Variants in CHD9 observed in about 807,000 individuals in gnomAD.
CHD9 encodes the protein ATP-dependent chromatin remodeler CHD9.
A neutral mutation model predicts 316.1 loss-of-function variants in CHD9; 77 were observed. The observed-to-expected ratio is 0.24, with a 90% CI of 0.20 to 0.29. The LOEUF (loss-of-function observed/expected upper bound fraction) is 0.29, where lower values mean the gene tolerates loss of function less well. CHD9 is among the 10% of genes least tolerant of loss of function. The pLI, the probability that CHD9 is intolerant of heterozygous loss-of-function variation, is 1.00. For synonymous variants in CHD9, 1,129 were observed against 1,158.3 expected, an observed-to-expected ratio of 0.97 and a Z score of 0.51; for missense variants, 2,763 against 3,438.1, an observed-to-expected ratio of 0.80 and a Z score of 4.91.
chr16:53,118,112 C>A (rs2038457037), intron 1 of CHD9, among the ~76,000 whole-genome samples: 1 of 152,148 alleles, frequency 6.6e-6, no homozygotes, highest in Non-Finnish European at 1.5e-5. Flanking sequence ...CAGGCATGAG[C>A]CACCACATGC....
At chr16:53,280,158 A>G (rs1024402028) in intron 24 of CHD9, among the ~76,000 whole-genome samples, 5 of 152,244 alleles carry the variant, frequency 3.3e-5, no homozygotes, top group East Asian at 1.9e-4. Flanking sequence ...TGATCCAGCT[A>G]TCCCACTACT....
chr16:53,254,563 T>A lies in CHD9; in HGVS notation c.3987T>A (p.Ala1329=). 6.2e-7 allele frequency: 1 copy of A among 1,612,698 alleles called. No homozygotes were observed. ...GTTTGAAACTGGGCCTAGATAAAGCTGTGTTACAGAGCATGAGTGGAAGAG... is the reference window on the plus strand; with the variant it reads ...GTTTGAAACTGGGCCTAGATAAAGCAGTGTTACAGAGCATGAGTGGAAGAG... ...RASLKLGLDK[A]VLQSMSGRES... is the part of the protein sequence containing the mutation. The change falls in exon 18 of 39, where the codon GCT becomes GCA. Residue 1329 remains alanine, a synonymous_variant. Transcript: ENST00000447540.
At chr16:53,197,255 T>G (rs2045006235) in intron 2 of CHD9, among the ~76,000 whole-genome samples, 1 of 152,204 alleles carries the variant, frequency 6.6e-6, no homozygotes, top group South Asian at 2.1e-4. Flanking sequence ...TTAAATGAGA[T>G]AACATTTAAC....
At chr16:53,123,449 A>T (rs1035676789) in intron 1 of CHD9, among the ~76,000 whole-genome samples, 2 of 152,020 alleles carry the variant, frequency 1.3e-5, no homozygotes, top group Non-Finnish European at 2.9e-5. Context: ...ATAATCAAAC[A>T]GTCAAGCCTT....
chr16:53,130,778 T>A (rs552675810), intron 1 of CHD9: 1 of 151,672 alleles, frequency 6.6e-6, no homozygotes, highest in East Asian at 2.0e-4. Flanking sequence ...AAGGGGACGC[T>A]CCCTCTTAGG....
intron 2 of CHD9, among the ~76,000 whole-genome samples, chr16:53,181,479 G>A (rs2043515521): frequency 3.9e-5 from 6 of 152,060 alleles, no homozygotes; most frequent in Admixed American, 3.3e-4. Flanking sequence ...AAAAATTAGA[G>A]TGCTTATATG....
chr16:53,056,599 C>T (rs1469413095), intron 1 of CHD9, among the ~76,000 whole-genome samples: 1 of 152,244 alleles, frequency 6.6e-6, no homozygotes, highest in Non-Finnish European at 1.5e-5. Flanking sequence ...AAGAACAATA[C>T]TCTGCTGTTT....
chr16:53,124,421 T>C lies in CHD9; in HGVS notation c.-164-31505T>C, dbSNP rs531025770. On this transcript the variant is annotated intron_variant, in intron 1 of 38. Transcript: ENST00000447540. ...TGGCAGGCGAGAGAGAGAGCATGTGTTGGGGAAACTCCCCTTTATAAAACC... is the reference window on the plus strand; with the variant it reads ...TGGCAGGCGAGAGAGAGAGCATGTGCTGGGGAAACTCCCCTTTATAAAACC... 2.2e-4 allele frequency among the ~76,000 whole-genome samples: 34 copies of C among 151,670 alleles called. 1 individual carries two copies. In the South Asian group the frequency reaches 2.9e-3, roughly 13 times the overall value.
At chr16:53,263,919 G>C (rs1049680826) in intron 20 of CHD9, among the ~76,000 whole-genome samples, 1 of 151,914 alleles carries the variant, frequency 6.6e-6, no homozygotes, top group Non-Finnish European at 1.5e-5. Context: ...ATAAAAGTTC[G>C]TAAGTGAGTT....
At chr16:53,102,938 C>G (rs961901240) in intron 1 of CHD9, among the ~76,000 whole-genome samples, 1 of 151,866 alleles carries the variant, frequency 6.6e-6, no homozygotes, top group Non-Finnish European at 1.5e-5. Context: ...CTCCGCCTCC[C>G]GGGTTCACGC....
rs763732712 is a variant in CHD9, at chr16:53,304,319, G to C, written c.6313G>C (p.Val2105Leu). ...AAAATGTGAAACAGACAGACGCATG[G>C]TTGCAGCCAGAACAGAACCCCTAAC... The part of the protein sequence containing the change: ...GGKCETDRRM[V>L]AARTEPLTPN... The change falls in exon 31 of 39, where the codon GTT becomes CTT. Residue 2105 changes from valine (V) to leucine (L), a missense_variant. Coordinates refer to ENST00000447540, the MANE Select transcript of CHD9 (RefSeq NM_001308319.2). 2 of 1,612,380 alleles carry C rather than the reference G, an allele frequency of 1.2e-6. No homozygotes were observed. The highest frequency in any genetic ancestry group is 4.5e-5 in the East Asian group (2 of 44,862).
At chr16:53,196,232 C>A (rs754435977) in intron 2 of CHD9, among the ~76,000 whole-genome samples, 1 of 152,102 alleles carries the variant, frequency 6.6e-6, no homozygotes, top group African/African-American at 2.4e-5. Flanking sequence ...AATTGTATCA[C>A]ATGTATAGGT....
chr16:53,314,672 G>A (rs544374980), intron 35 of CHD9, 151 bp from the exon 36 acceptor site: 14 of 957,472 alleles, frequency 1.5e-5, no homozygotes, highest in Non-Finnish European at 2.0e-5. Context: ...TCTTAGCACT[G>A]TCCAAGAGTG....
At chr16:53,098,942 A>G (rs774171681) in intron 1 of CHD9, among the ~76,000 whole-genome samples, 1 of 152,162 alleles carries the variant, frequency 6.6e-6, no homozygotes, top group Non-Finnish European at 1.5e-5. Flanking sequence ...TTTCCTCTAT[A>G]GTGTACGGGG....
At chr16:53,246,211 T>C (rs1567552275) in intron 15 of CHD9, among the ~76,000 whole-genome samples, 1 of 152,246 alleles carries the variant, frequency 6.6e-6, no homozygotes, top group Non-Finnish European at 1.5e-5. Flanking sequence ...ATTCTTGTGC[T>C]GTAATAATGT....
chr16:53,238,535 G>C lies in CHD9; in HGVS notation c.2826G>C (p.Leu942=), dbSNP rs1016315799. ...DINVVVYHGS[L]ISRQMIQQYE... ...ACGTTGTGGTTTATCATGGGAGCCT[G>C]ATTAGCAGACAAATGATACAGCAAT... The change falls in exon 12 of 39, where the codon CTG becomes CTC. Residue 942 remains leucine, a synonymous_variant. Transcript: ENST00000447540. The C allele has an allele frequency of 6.2e-7, 1 of 1,613,096 alleles. No individual in the cohort carries two copies. The highest frequency in any genetic ancestry group is 8.5e-7 in the Non-Finnish European group (1 of 1,179,224).
intron 21 of CHD9, among the ~76,000 whole-genome samples, 199 bp downstream of exon 21, chr16:53,267,689 G>A (rs1450916771): frequency 6.6e-6 from 1 of 152,120 alleles, no homozygotes; most frequent in Non-Finnish European, 1.5e-5. Context: ...TATCACTAAA[G>A]TCAAACTTCT....
intron 13 of CHD9, 129 bp downstream of exon 13, chr16:53,243,145 AATT>A: frequency 1.7e-6 from 1 of 601,512 alleles, no homozygotes; most frequent in Non-Finnish European, 2.7e-6. Context: ...TATCTGTGAT[AATT>A]GAGATTTTTT....
At chr16:53,090,997 G>A (rs961020910) in intron 1 of CHD9, among the ~76,000 whole-genome samples, 1 of 138,438 alleles carries the variant, frequency 7.2e-6, no homozygotes, top group Non-Finnish European at 1.7e-5. Context: ...GATGGGAACA[G>A]CTCACCCCCC....
Sources: allele counts gnomAD v4.1 joint callset (sites outside exome capture counted in the v4.1 genomes callset), GRCh38; gene constraint gnomAD v4.1.1; transcripts MANE v1.5; gene names NCBI Gene and HGNC (gene_info 2026-07-23, HGNC 2026-07-21).